The following GSG1L variants were observed in gnomAD, a reference collection of about 807,000 sequenced individuals.
GSG1L encodes the protein GSG1 like, also known as germ cell-specific gene 1-like protein.
A neutral mutation model predicts 42.1 loss-of-function variants in GSG1L; 24 were observed. That is an observed-to-expected ratio of 0.57 (90% CI 0.41 to 0.80). The LOEUF is 0.80. Ranked by LOEUF, GSG1L falls within the 30% of genes least tolerant of loss-of-function variation. GSG1L has a pLI of 0.00. For synonymous variants in GSG1L, 215 were observed against 203.5 expected (o/e 1.06, Z -0.48); for missense variants, 445 against 472.2 (o/e 0.94, Z 0.53).
intron 3 of GSG1L, among the ~76,000 whole-genome samples, chr16:27,854,710 T>C (rs1204989890): frequency 6.6e-6 from 1 of 152,182 alleles, no homozygotes; most frequent in African/African-American, 2.4e-5. Context: ...TGTGTCCACT[T>C]GTGTCCTGGA....
Position 27,828,775 on chromosome 16 carries a change from C to T in GSG1L, c.830+14G>A. ...GTCCCCGTGGTGGCCAGAGGTAACC[C>T]CCTGTGCACTGACCTCTCCCGGAAG... On this transcript the variant is annotated intron_variant, in intron 5 of 6. Coordinates refer to ENST00000447459, the MANE Select transcript of GSG1L (RefSeq NM_001109763.2). The T allele has an allele frequency of 6.2e-7, 1 of 1,610,152 alleles. No homozygotes were observed. Among genetic ancestry groups the T allele is most frequent in the Non-Finnish European group, 8.5e-7 (1 of 1,176,980 alleles).
chr16:28,001,205 T>C (rs1056040060), intron 1 of GSG1L, among the ~76,000 whole-genome samples: 3 of 152,156 alleles, frequency 2.0e-5, no homozygotes, highest in African/African-American at 7.2e-5. Flanking sequence ...ACTTTATCTG[T>C]CCATGCTGCT....
chr16:27,922,878 C>G (rs1164178412), intron 2 of GSG1L, among the ~76,000 whole-genome samples: 2 of 152,160 alleles, frequency 1.3e-5, no homozygotes, highest in Non-Finnish European at 2.9e-5. Context: ...CACACGACCC[C>G]CTGGGCTTAA....
Position 28,063,040 on chromosome 16 carries a change from C to T in GSG1L, c.349+36G>A. On this transcript the variant is annotated intron_variant, in intron 1 of 6. Coordinates refer to ENST00000447459, the MANE Select transcript of GSG1L (RefSeq NM_001109763.2). The surrounding 1 kb of genome is among the most constrained non-coding windows in gnomAD (Gnocchi z 5.8). The stretch of plus-strand genomic sequence containing the variant: ...CGATGGCCGCGCCGCCCCGGGGGAG[C>T]CGGAGCCGAGCTGGCCGCCGCCCGC... 1.5e-6 allele frequency: 2 copies of T among 1,369,952 alleles called. No homozygotes were observed. Among genetic ancestry groups the T allele is most frequent in the South Asian group, 1.5e-5 (1 of 65,556 alleles). The allele number at this position is 1,369,952 out of a possible 1,614,324, so 84.9% of individuals were successfully genotyped here. A position where few individuals can be genotyped will look rare whatever the true frequency, so the allele number is the denominator to read the frequency against.
intron 5 of GSG1L, among the ~76,000 whole-genome samples, chr16:27,825,683 T>G (rs899312151): frequency 2.6e-5 from 4 of 152,146 alleles, no homozygotes; most frequent in Non-Finnish European, 5.9e-5. Flanking sequence ...CATCTTGAAT[T>G]GGAGTTCCCA....
At position 27,890,901 on chromosome 16, in the gene GSG1L, G is replaced by T. The variant is rs187600753; in HGVS notation, c.398-6263C>A. ...GGGGACATCAATACTTAAGGGGAGG[G>T]AGCAGTGGCAGGGGGCTGTGGAAGT... On this transcript the variant is annotated intron_variant, in intron 2 of 6. Coordinates refer to ENST00000447459, the MANE Select transcript of GSG1L (RefSeq NM_001109763.2). Among the ~76,000 whole-genome samples the T allele has an allele frequency of 2.5e-3, 381 of 152,312 alleles. 3 individuals carry two copies. Among genetic ancestry groups the T allele is most frequent in the Middle Eastern group, 0.01 (3 of 294 alleles).
At chr16:28,047,505 C>G (rs1239975053) in intron 1 of GSG1L, among the ~76,000 whole-genome samples, 1 of 152,114 alleles carries the variant, frequency 6.6e-6, no homozygotes, top group East Asian at 1.9e-4. Flanking sequence ...TTAAGACTCT[C>G]GGATTGTACC....
chr16:27,860,452 G>T (rs1309712625), intron 3 of GSG1L, among the ~76,000 whole-genome samples: 1 of 152,244 alleles, frequency 6.6e-6, no homozygotes, highest in Non-Finnish European at 1.5e-5. Flanking sequence ...GTAACTAGGG[G>T]ACAGCTGCTC....
At chr16:27,965,175 C>T (rs1431419068) in intron 1 of GSG1L, among the ~76,000 whole-genome samples, 1 of 152,000 alleles carries the variant, frequency 6.6e-6, no homozygotes, top group Non-Finnish European at 1.5e-5. Context: ...CCCACCATCA[C>T]GCCCAGCCAA....
intron 2 of GSG1L, among the ~76,000 whole-genome samples, chr16:27,946,656 A>AAAAGAAAG (rs1211575909): frequency 3.7e-5 from 1 of 27,394 alleles, no homozygotes; most frequent in African/African-American, 1.7e-4. Flanking sequence ...AGAAAGAAAG[A>AAAAGAAAG]AAAGAAAGAA....
In GSG1L at chr16:28,049,671, A is replaced by C. The variant is rs185571303; in HGVS notation, c.349+13405T>G. On this transcript the variant is annotated intron_variant, in intron 1 of 6. Coordinates refer to ENST00000447459, the MANE Select transcript of GSG1L (RefSeq NM_001109763.2). Reference sequence around the variant, plus strand: ...CACTGCACTCCAGCCTGGGCAACACAGTGAGACCCTGTCTCAAAAAAAAAA... The same window carrying C: ...CACTGCACTCCAGCCTGGGCAACACCGTGAGACCCTGTCTCAAAAAAAAAA... Among the ~76,000 whole-genome samples, 9 of 150,814 alleles carry C rather than the reference A, an allele frequency of 6.0e-5. No homozygotes were observed. In the East Asian group the frequency reaches 9.8e-4, roughly 16 times the overall value.
At chr16:27,880,236 C>T (rs1208141440) in intron 3 of GSG1L, among the ~76,000 whole-genome samples, 1 of 152,218 alleles carries the variant, frequency 6.6e-6, no homozygotes, top group East Asian at 1.9e-4. Flanking sequence ...GCCAGACGCC[C>T]AGCTCTCAGC....
chr16:27,812,289 G>A (rs2083040202), intron 5 of GSG1L, among the ~76,000 whole-genome samples: 1 of 152,134 alleles, frequency 6.6e-6, no homozygotes, highest in South Asian at 2.1e-4. Flanking sequence ...AAATAACAGT[G>A]GCTTCATGTG....
At chr16:28,046,109 TTAA>T (rs2141189662) in intron 1 of GSG1L, among the ~76,000 whole-genome samples, 1 of 152,310 alleles carries the variant, frequency 6.6e-6, no homozygotes, top group African/African-American at 2.4e-5. Context: ...AGGAAAAATA[TTAA>T]TAATGTTGTC....
intron 2 of GSG1L, among the ~76,000 whole-genome samples, chr16:27,926,342 G>A (rs1259760492): frequency 6.6e-6 from 1 of 152,126 alleles, no homozygotes; most frequent in Non-Finnish European, 1.5e-5. Context: ...CAAAACTCAT[G>A]GACAGTCTAG....
At chr16:27,890,620 C>A (rs570606558) in intron 2 of GSG1L, among the ~76,000 whole-genome samples, 6 of 152,170 alleles carry the variant, frequency 3.9e-5, no homozygotes, top group Admixed American at 6.5e-5. Flanking sequence ...CACACTGGTG[C>A]CATGTTCCTA....
intron 1 of GSG1L, among the ~76,000 whole-genome samples, chr16:28,041,559 A>G (rs896022809): frequency 6.6e-6 from 1 of 152,258 alleles, no homozygotes; most frequent in African/African-American, 2.4e-5. Context: ...ATGAATGAGT[A>G]AATGAATGAA....
At chr16:28,062,020 C>A (rs1454277842) in intron 1 of GSG1L, among the ~76,000 whole-genome samples, 1 of 152,202 alleles carries the variant, frequency 6.6e-6, no homozygotes, top group African/African-American at 2.4e-5. Flanking sequence ...CTGTAACCCA[C>A]CCTTGAGCAC....
intron 1 of GSG1L, among the ~76,000 whole-genome samples, chr16:28,015,203 C>T (rs1445567723): frequency 6.6e-6 from 1 of 152,222 alleles, no homozygotes; most frequent in Non-Finnish European, 1.5e-5. Context: ...TGGGCAACAC[C>T]ATATCTAATG....
Sources: gnomAD v4.1 joint callset for allele counts (sites outside exome capture counted in the v4.1 genomes callset) on GRCh38, gnomAD v4.1.1 for gene constraint, Gnocchi (gnomAD v3.1) non-coding constraint, MANE v1.5 for transcripts, NCBI Gene and HGNC (gene_info 2026-07-23, HGNC 2026-07-21) for gene names.